The following NUDCD3 variants were observed in gnomAD, a reference collection of about 807,000 sequenced individuals.
The protein encoded by NUDCD3 is nudC domain-containing protein 3.
NUDCD3 carries 13 observed loss-of-function variants against 39.7 expected under a neutral mutation model. The observed-to-expected ratio is 0.33, with a 90% CI of 0.21 to 0.52. NUDCD3 has a LOEUF of 0.52. Ranked by LOEUF, NUDCD3 falls within the 20% of genes least tolerant of loss-of-function variation. The pLI is 0.96. For missense variants in NUDCD3, 453 were observed against 458.1 expected (o/e 0.99, Z 0.10); for synonymous variants, 175 against 172.4 (o/e 1.02, Z -0.12).
At chr7:44,459,492 G>A (rs1334269262) in intron 2 of NUDCD3, among the ~76,000 whole-genome samples, 1 of 151,770 alleles carries the variant, frequency 6.6e-6, no homozygotes, top group Non-Finnish European at 1.5e-5. Flanking sequence ...CTAGACCTGT[G>A]GTCATGTATT....
At chr7:44,405,201 A>AT (rs1798795999) in intron 3 of NUDCD3, among the ~76,000 whole-genome samples, 1 of 152,274 alleles carries the variant, frequency 6.6e-6, no homozygotes, top group East Asian at 1.9e-4. Flanking sequence ...ATGGTTTTGC[A>AT]TTTTGTCTTG....
intron 1 of NUDCD3, among the ~76,000 whole-genome samples, chr7:44,487,467 A>C (rs1193488042): frequency 6.6e-6 from 1 of 151,904 alleles, no homozygotes; most frequent in Non-Finnish European, 1.5e-5. Context: ...ACAGAAAAAA[A>C]AAAAAACCCT....
In NUDCD3 at chr7:44,382,475, A is replaced by G. The variant is rs56195716; in HGVS notation, c.*3536T>C. 20,597 of 152,272 alleles carry G rather than the reference A, an allele frequency of 0.14. 1,729 individuals are homozygous for G. The highest frequency in any genetic ancestry group is 0.19 in the Non-Finnish European group (13,003 of 68,016). The allele number at this position is 152,272 out of a possible 1,614,324, so 9.4% of individuals were successfully genotyped here. A position where few individuals can be genotyped will look rare whatever the true frequency, so the allele number is the denominator to read the frequency against. On this transcript the variant is annotated 3_prime_UTR_variant, in exon 6 of 6. Transcript: ENST00000355451. The stretch of plus-strand genomic sequence containing the variant: ...CACCAGGACTGGCAGGGGAAGCCCC[A>G]GGGCTTTGTGACCCTGTCCCTATGG...
chr7:44,425,082 A>G (rs1799208355), intron 3 of NUDCD3, among the ~76,000 whole-genome samples: 1 of 152,216 alleles, frequency 6.6e-6, no homozygotes, highest in Non-Finnish European at 1.5e-5. Context: ...CATAAGTGAG[A>G]GTTGAACAAT....
At chr7:44,482,240 A>C (rs984709473) in intron 2 of NUDCD3, among the ~76,000 whole-genome samples, 4 of 152,178 alleles carry the variant, frequency 2.6e-5, no homozygotes, top group South Asian at 2.1e-4. Context: ...CAACTCCATG[A>C]GACAAGTAGG....
At chr7:44,457,406 T>C (rs896727549) in intron 2 of NUDCD3, among the ~76,000 whole-genome samples, 1 of 152,198 alleles carries the variant, frequency 6.6e-6, no homozygotes, top group African/African-American at 2.4e-5. Context: ...ATCTTGTATA[T>C]AGAAAATCCT....
In NUDCD3 at chr7:44,384,909, A is replaced by T. The variant is rs982182290; in HGVS notation, c.*1102T>A. On this transcript the variant is annotated 3_prime_UTR_variant, in exon 6 of 6. Coordinates refer to ENST00000355451, the MANE Select transcript of NUDCD3 (RefSeq NM_015332.4). ...AGTCAGCAGCCATGGCTCAGGGCATAGGCTTGGGGGTCCTGAGGCAGTGAC... is the reference window on the plus strand; with the variant it reads ...AGTCAGCAGCCATGGCTCAGGGCATTGGCTTGGGGGTCCTGAGGCAGTGAC... 6 of 152,304 alleles carry T rather than the reference A, an allele frequency of 3.9e-5. No individual in the cohort carries two copies. Among genetic ancestry groups the T allele is most frequent in the African/African-American group, 1.4e-4 (6 of 41,426 alleles). 9.4% of individuals were successfully genotyped at this position (152,304 alleles called of 1,614,324 possible).
rs537043827 is a variant in NUDCD3, at chr7:44,486,035, G to A, written c.193-751C>T. ...ATGGGTGGGAATGAGCATGTCTGGC[G>A]AAAGAAATCTAGGGAGACTTCTTGG... On this transcript the variant is annotated intron_variant, in intron 1 of 5. Transcript: ENST00000355451. Among the ~76,000 whole-genome samples, 7 of 152,232 alleles carry A rather than the reference G, an allele frequency of 4.6e-5. No homozygotes were observed. In the South Asian group the frequency reaches 6.2e-4, roughly 14 times the overall value.
chr7:44,405,173 TACC>T (rs1323113158), intron 3 of NUDCD3, among the ~76,000 whole-genome samples: 1 of 152,174 alleles, frequency 6.6e-6, no homozygotes, highest in African/African-American at 2.4e-5. Context: ...CTCACCAATA[TACC>T]ACCAACACTC....
At chr7:44,450,447 G>T (rs1799772765) in intron 2 of NUDCD3, among the ~76,000 whole-genome samples, 2 of 151,824 alleles carry the variant, frequency 1.3e-5, no homozygotes, top group Admixed American at 1.3e-4. Flanking sequence ...CAAAGTGCTG[G>T]GATGACAGGT....
chr7:44,430,759 T>C (rs1799349060), intron 2 of NUDCD3, among the ~76,000 whole-genome samples: 1 of 152,160 alleles, frequency 6.6e-6, no homozygotes, highest in African/African-American at 2.4e-5. Flanking sequence ...AACAGTGCAG[T>C]CACTTGGCCT....
chr7:44,432,575 G>A (rs1585075100), intron 2 of NUDCD3, among the ~76,000 whole-genome samples: 1 of 152,208 alleles, frequency 6.6e-6, no homozygotes, highest in African/African-American at 2.4e-5. Flanking sequence ...TGTCAAGCTT[G>A]CTGCTCCCCA....
At chr7:44,445,973 A>G (rs1799683819) in intron 2 of NUDCD3, among the ~76,000 whole-genome samples, 1 of 152,222 alleles carries the variant, frequency 6.6e-6, no homozygotes, top group African/African-American at 2.4e-5. Context: ...GCTCATCAGT[A>G]AAGTCAGGGA....
chr7:44,386,224 G>T lies in NUDCD3; in HGVS notation c.976-103C>A, dbSNP rs531655350. 4.7e-6 allele frequency: 6 copies of T among 1,287,490 alleles called. No individual in the cohort carries two copies. In the Admixed American group the frequency reaches 1.2e-4, roughly 26 times the overall value. The allele number at this position is 1,287,490 out of a possible 1,614,324, so 79.8% of individuals were successfully genotyped here. A position where few individuals can be genotyped will look rare whatever the true frequency, so the allele number is the denominator to read the frequency against. ...GGTAGAGAGCCTTCTTGCTTCCTCA[G>T]GGCTCAGGCACTTGCCTGGCAAGAC... On this transcript the variant is annotated intron_variant, in intron 5 of 5. Coordinates refer to ENST00000355451, the MANE Select transcript of NUDCD3 (RefSeq NM_015332.4).
intron 2 of NUDCD3, chr7:44,484,743 T>C (rs973498175): frequency 2.1e-6 from 1 of 484,992 alleles, no homozygotes; most frequent in African/African-American, 1.9e-5. Flanking sequence ...TCTCAAATGG[T>C]TGTATGACTA....
At chr7:44,431,118 G>A (rs1233066724) in intron 2 of NUDCD3, among the ~76,000 whole-genome samples, 1 of 152,142 alleles carries the variant, frequency 6.6e-6, no homozygotes, top group African/African-American at 2.4e-5. Flanking sequence ...CCAACAGTAT[G>A]TAAAAATAAG....
intron 3 of NUDCD3, among the ~76,000 whole-genome samples, chr7:44,407,903 A>G (rs1200464956): frequency 1.3e-5 from 2 of 152,316 alleles, no homozygotes; most frequent in Non-Finnish European, 1.5e-5. Context: ...GCATTCCAGA[A>G]ATTATGACAG....
intron 5 of NUDCD3, among the ~76,000 whole-genome samples, chr7:44,391,458 G>A (rs1400580275): frequency 1.3e-5 from 2 of 152,166 alleles, no homozygotes; most frequent in African/African-American, 4.8e-5. Flanking sequence ...TACACCACAA[G>A]GTAAGGTTCC....
intron 2 of NUDCD3, among the ~76,000 whole-genome samples, chr7:44,464,844 T>C (rs987401823): frequency 2.0e-5 from 3 of 152,212 alleles, no homozygotes; most frequent in Non-Finnish European, 4.4e-5. Context: ...AGCTTTTAGA[T>C]TAAGACACCC....
Sources: allele counts gnomAD v4.1 joint callset (sites outside exome capture counted in the v4.1 genomes callset), GRCh38; gene constraint gnomAD v4.1.1; transcripts MANE v1.5; gene names NCBI Gene and HGNC (gene_info 2026-07-23, HGNC 2026-07-21).